CAMKMT: variants seen among roughly 807,000 people sequenced by gnomAD.
The protein encoded by CAMKMT is calmodulin-lysine N-methyltransferase.
Under a neutral mutation model 48.0 loss-of-function variants are expected in CAMKMT, and 53 were observed. The observed-to-expected ratio is 1.10, with a 90% CI of 0.89 to 1.39. The LOEUF (loss-of-function observed/expected upper bound fraction) is 1.39. Ranked by LOEUF, CAMKMT falls within the 40% of genes most tolerant of loss-of-function variation. The pLI, the probability that CAMKMT is intolerant of heterozygous loss-of-function variation, is 0.00. For synonymous variants in CAMKMT, 165 were observed against 152.3 expected, an observed-to-expected ratio of 1.08 and a Z score of -0.61; for missense variants, 428 against 402.7, an observed-to-expected ratio of 1.06 and a Z score of -0.54.
intron 3 of CAMKMT, among the ~76,000 whole-genome samples, chr2:44,443,916 CAAAT>C (rs199763300): frequency 5.3e-5 from 8 of 152,084 alleles, no homozygotes; most frequent in South Asian, 2.1e-4. Context: ...AATAATGAAA[CAAAT>C]AAAGAAAAAG....
intron 3 of CAMKMT, among the ~76,000 whole-genome samples, chr2:44,644,175 A>C (rs920207428): frequency 1.3e-5 from 2 of 152,202 alleles, no homozygotes; most frequent in African/African-American, 4.8e-5. Context: ...CTGTCAGTGG[A>C]GAATGTCAGT....
intron 2 of CAMKMT, 123 bp from the exon 3 acceptor site, chr2:44,390,118 T>C (rs2104412942): frequency 1.5e-6 from 1 of 654,896 alleles, no homozygotes; most frequent in Non-Finnish European, 2.6e-6. Flanking sequence ...TCTTAAAATA[T>C]AGCATGGAAT....
At chr2:44,673,461 GAA>G (rs1301043175) in intron 3 of CAMKMT, among the ~76,000 whole-genome samples, 12 of 136,360 alleles carry the variant, frequency 8.8e-5, no homozygotes, top group African/African-American at 3.2e-4. Flanking sequence ...GAAAGAGAAA[GAA>G]AGAGAGAGAG....
At chr2:44,385,751 A>G (rs1211475391) in intron 2 of CAMKMT, among the ~76,000 whole-genome samples, 9 of 151,956 alleles carry the variant, frequency 5.9e-5, no homozygotes, top group Non-Finnish European at 1.5e-5. Context: ...TTTGTTTTTA[A>G]TTCTGTTTAT....
In CAMKMT at chr2:44,442,247, G is replaced by C. The variant is rs564240032; in HGVS notation, c.376+51942G>C. On this transcript the variant is annotated intron_variant, in intron 3 of 10. Transcript: ENST00000378494. ...CATTTGCCTTGCAAACCCATCTGTG[G>C]CTCTAGTGGAGAGCAGGTCAGAAGC... Among the ~76,000 whole-genome samples the C allele has an allele frequency of 2.4e-4, 37 of 152,234 alleles. 1 individual carries two copies. The highest frequency in any genetic ancestry group is 8.3e-4 in the South Asian group (4 of 4,818).
At chr2:44,402,047 C>T (rs1682416919) in intron 3 of CAMKMT, among the ~76,000 whole-genome samples, 1 of 152,112 alleles carries the variant, frequency 6.6e-6, no homozygotes, top group Non-Finnish European at 1.5e-5. Flanking sequence ...ATAGAATTGG[C>T]CGGGCGCGGT....
intron 3 of CAMKMT, among the ~76,000 whole-genome samples, chr2:44,664,296 G>A (rs1216961821): frequency 2.0e-5 from 3 of 152,208 alleles, no homozygotes; most frequent in African/African-American, 7.2e-5. Context: ...GGTTTGTTAA[G>A]AGGACTAAAT....
intron 2 of CAMKMT, among the ~76,000 whole-genome samples, chr2:44,382,635 C>T (rs1293840532): frequency 3.9e-5 from 6 of 152,000 alleles, no homozygotes; most frequent in Non-Finnish European, 5.9e-5. Context: ...CCTGCCACCA[C>T]GCCCAGCTAA....
At chr2:44,569,670 G>C (rs1668803029) in intron 3 of CAMKMT, among the ~76,000 whole-genome samples, 1 of 152,186 alleles carries the variant, frequency 6.6e-6, no homozygotes, top group Non-Finnish European at 1.5e-5. Context: ...GAATGCTGAG[G>C]AAGGGTAGTT....
rs1250187333 is a variant in CAMKMT at position 44,765,483 on chromosome 2, G to A, written c.763-947G>A. 4.6e-5 allele frequency among the ~76,000 whole-genome samples: 7 copies of A among 151,310 alleles called. No individual in the cohort carries two copies. The East Asian group carries it at 1.4e-3, about 29-fold the overall frequency. On this transcript the variant is annotated intron_variant, in intron 9 of 10. Coordinates refer to ENST00000378494, the MANE Select transcript of CAMKMT (RefSeq NM_024766.5). ...AAGAGGCATTTCACAGAGGTGAAGT[G>A]TAACCTTGAGAGTAACAGAAGCATA...
At chr2:44,586,517 G>A (rs560991187) in intron 3 of CAMKMT, among the ~76,000 whole-genome samples, 1 of 152,132 alleles carries the variant, frequency 6.6e-6, no homozygotes, top group South Asian at 2.1e-4. Context: ...GTAAATAGAA[G>A]CAAACAAATT....
intron 3 of CAMKMT, among the ~76,000 whole-genome samples, chr2:44,393,147 A>T (rs1410873496): frequency 6.6e-6 from 1 of 152,210 alleles, no homozygotes; most frequent in Admixed American, 6.5e-5. Context: ...AGATGAAAGG[A>T]TCAGTCTTAC....
chr2:44,713,496 T>C (rs748898709), intron 6 of CAMKMT, among the ~76,000 whole-genome samples: 27 of 152,194 alleles, frequency 1.8e-4, no homozygotes, highest in Admixed American at 9.2e-4. Context: ...TAGAAGACTT[T>C]CCTGAAATAA....
intron 3 of CAMKMT, among the ~76,000 whole-genome samples, chr2:44,485,348 A>G (rs1410547429): frequency 6.6e-6 from 1 of 152,252 alleles, no homozygotes; most frequent in Non-Finnish European, 1.5e-5. Flanking sequence ...ATATAATGGA[A>G]TATTTTTAAA....
chr2:44,491,907 C>G (rs552391166), intron 3 of CAMKMT, among the ~76,000 whole-genome samples: 1 of 152,182 alleles, frequency 6.6e-6, no homozygotes, highest in East Asian at 1.9e-4. Flanking sequence ...TTCTTTCTTT[C>G]TTTTTTAATC....
chr2:44,536,065 A>G (rs1212353097), intron 3 of CAMKMT, among the ~76,000 whole-genome samples: 2 of 152,234 alleles, frequency 1.3e-5, no homozygotes, highest in African/African-American at 4.8e-5. Context: ...CTATACACCA[A>G]TAATGAACTA....
chr2:44,396,322 C>T (rs1425595176), intron 3 of CAMKMT, among the ~76,000 whole-genome samples: 1 of 152,018 alleles, frequency 6.6e-6, no homozygotes, highest in Admixed American at 6.6e-5. Flanking sequence ...ATACAAATTA[C>T]ACACTGGCAA....
chr2:44,696,973 A>G (rs1388262469), intron 3 of CAMKMT, among the ~76,000 whole-genome samples: 1 of 152,168 alleles, frequency 6.6e-6, no homozygotes, highest in African/African-American at 2.4e-5. Context: ...AGTTGAGGAC[A>G]TTTCCAAGAA....
In CAMKMT at chr2:44,723,654, A is replaced by G. The variant is rs867741068; in HGVS notation, c.623+8301A>G. On this transcript the variant is annotated intron_variant, in intron 7 of 10. Transcript: ENST00000378494. Reference sequence around the variant, plus strand: ...TAAATAAATAAATAAATAAATAAATAAAATAATAAAGTTGTTCAGATTTCC... The same window carrying G: ...TAAATAAATAAATAAATAAATAAATGAAATAATAAAGTTGTTCAGATTTCC... The G allele has an allele frequency of 3.8e-4, 55 of 143,272 alleles. No homozygotes were observed. In the East Asian group the frequency reaches 4.3e-3, roughly 11 times the overall value. The allele number at this position is 143,272 out of a possible 1,614,324, so 8.9% of individuals were successfully genotyped here.
Sources: allele counts gnomAD v4.1 joint callset (sites outside exome capture counted in the v4.1 genomes callset), GRCh38; gene constraint gnomAD v4.1.1; transcripts MANE v1.5; gene names NCBI Gene and HGNC (gene_info 2026-07-23, HGNC 2026-07-21).